THRAP3: variants seen among roughly 807,000 people sequenced by gnomAD.
The protein encoded by THRAP3 is thyroid hormone receptor associated protein 3.
In THRAP3, 16 loss-of-function variants were observed where a neutral mutation model predicts 101.0. The observed-to-expected ratio is 0.16, with a 90% CI of 0.11 to 0.24. THRAP3 has a LOEUF of 0.24. THRAP3 is among the 10% of genes least tolerant of loss of function. THRAP3 has a pLI of 1.00. For synonymous variants in THRAP3, 407 were observed against 422.6 expected, an observed-to-expected ratio of 0.96 and a Z score of 0.45; for missense variants, 989 against 1,202.7, an observed-to-expected ratio of 0.82 and a Z score of 2.63.
chr1:36,213,487 C>A, the THRAP3 span, among the ~76,000 whole-genome samples: 2 of 147,658 alleles, frequency 1.4e-5, no homozygotes, highest in African/African-American at 4.9e-5. Context: ...TGTAATATGG[C>A]AGATAAGATA....
chr1:36,282,918 G>A (rs1243873702), intron 3 of THRAP3, among the ~76,000 whole-genome samples: 2 of 152,166 alleles, frequency 1.3e-5, no homozygotes, highest in African/African-American at 2.4e-5. Flanking sequence ...TCCTCTGCCA[G>A]CACATAGTAT....
chr1:36,241,385 G>GTGTATA (rs1428746725), intron 1 of THRAP3, among the ~76,000 whole-genome samples: 3 of 8,652 alleles, frequency 3.5e-4, no homozygotes, highest in African/African-American at 4.5e-4. Flanking sequence ...GATAATGGGT[G>GTGTATA]TATATATATA....
chr1:36,231,978 A>G (rs1364169235), intron 1 of THRAP3, among the ~76,000 whole-genome samples: 2 of 152,056 alleles, frequency 1.3e-5, no homozygotes, highest in African/African-American at 4.8e-5. Flanking sequence ...GCACTTTGGG[A>G]GGCTGAGGTG....
intron 1 of THRAP3, among the ~76,000 whole-genome samples, chr1:36,231,955 G>T (rs971654466): frequency 6.6e-6 from 1 of 152,124 alleles, no homozygotes; most frequent in Admixed American, 6.6e-5. Context: ...TGTGGTTCAC[G>T]CCTGTAATCC....
At chr1:36,255,580 G>T (rs767571407) in intron 1 of THRAP3, among the ~76,000 whole-genome samples, 1 of 151,752 alleles carries the variant, frequency 6.6e-6, no homozygotes, top group African/African-American at 2.4e-5. Flanking sequence ...ACCAGCCTGG[G>T]TAACATGGTG....
At chr1:36,250,188 A>G (rs1206071123) in intron 1 of THRAP3, among the ~76,000 whole-genome samples, 1 of 152,048 alleles carries the variant, frequency 6.6e-6, no homozygotes, top group African/African-American at 2.4e-5. Context: ...TTTCCTTCCA[A>G]ATAGGCCCTT....
At chr1:36,213,943 GAAAGAAA>G in the THRAP3 span, among the ~76,000 whole-genome samples, 1 of 118,706 alleles carries the variant, frequency 8.4e-6, no homozygotes, top group Non-Finnish European at 1.7e-5. Context: ...AAGAAAGAAA[GAAAGAAA>G]GAAAGAAAGA....
chr1:36,214,455 T>C, the THRAP3 span, among the ~76,000 whole-genome samples: 5 of 152,224 alleles, frequency 3.3e-5, no homozygotes, highest in Non-Finnish European at 5.9e-5. Flanking sequence ...GACCATGCCA[T>C]TGTCTCGTCT....
At position 36,303,817 on chromosome 1, in the gene THRAP3, G is replaced by C. The variant is rs1311349460; in HGVS notation, c.2668G>C (p.Gly890Arg). The C allele has an allele frequency of 1.9e-6, 3 of 1,614,158 alleles. No homozygotes were observed. Among genetic ancestry groups the C allele is most frequent in the Non-Finnish European group, 2.5e-6 (3 of 1,180,022 alleles). ...TCAGCATGATGACCGTGAAGGCGAA[G>C]GCAGTGACAAGTGGGTGAGCCGGGG... ...YYLHDDREGE[G>R]SDKWVSRGRG... Residue 890 changes from glycine (G) to arginine (R), a missense_variant, in exon 12 of 12, where the codon GGC becomes CGC. Physicochemically the swap from Gly to Arg is moderately radical, Grantham distance 125. Transcript: ENST00000354618.
chr1:36,286,365 C>T lies in THRAP3; in HGVS notation c.138-3C>T, dbSNP rs1304622821. 3 of 1,557,202 alleles carry T rather than the reference C, an allele frequency of 1.9e-6. No individual in the cohort carries two copies. Among genetic ancestry groups the T allele is most frequent in the Non-Finnish European group, 2.6e-6 (3 of 1,154,946 alleles). On this transcript the variant is annotated splice_polypyrimidine_tract_variant and splice_region_variant and intron_variant, in intron 3 of 11. Transcript: ENST00000354618. This position sits in a 1 kb window ranked among gnomAD's most constrained non-coding sequence, Gnocchi z 5.5. The stretch of plus-strand genomic sequence containing the variant: ...ACATTTGTCTCTTTCCTTTCCATTC[C>T]AGTTCTAGGTCTCGTTCCAGATCAT...
chr1:36,274,576 A>G (rs950473264), intron 2 of THRAP3, among the ~76,000 whole-genome samples: 1 of 151,958 alleles, frequency 6.6e-6, no homozygotes, highest in East Asian at 1.9e-4. Flanking sequence ...GGTCAGTAGA[A>G]TAAAATTGAG....
At chr1:36,213,954 AGAAAGAAG>A in the THRAP3 span, among the ~76,000 whole-genome samples, 98 of 120,694 alleles carry the variant, frequency 8.1e-4, no homozygotes, top group Non-Finnish European at 1.1e-3. Flanking sequence ...AAAGAAAGAA[AGAAAGAAG>A]GAAAGAGAAA....
chr1:36,246,503 G>A (rs2124431803), intron 1 of THRAP3, among the ~76,000 whole-genome samples: 1 of 151,772 alleles, frequency 6.6e-6, no homozygotes, highest in East Asian at 2.0e-4. Flanking sequence ...AAGGTGCTGG[G>A]ATTACAGGTG....
chr1:36,295,133 G>T (rs1645928417), intron 8 of THRAP3, among the ~76,000 whole-genome samples: 1 of 149,684 alleles, frequency 6.7e-6, no homozygotes, highest in African/African-American at 2.5e-5. Context: ...TGAGGCAGGA[G>T]AATCACTTGA....
At chr1:36,241,426 T>TAC (rs1226448064) in intron 1 of THRAP3, among the ~76,000 whole-genome samples, 5 of 130,984 alleles carry the variant, frequency 3.8e-5, no homozygotes, top group African/African-American at 1.6e-4. Flanking sequence ...TATATATATA[T>TAC]ATACACATAT....
At position 36,246,638 on chromosome 1, in the gene THRAP3, C is replaced by T. The variant is rs368525431; in HGVS notation, c.-134-12744C>T. ...CAGGCAGATCACGAGGTCAGGAAAT[C>T]GAGACCATCCTGGCTAACATGGTGA... On this transcript the variant is annotated intron_variant, in intron 1 of 11. Transcript: ENST00000354618. Among the ~76,000 whole-genome samples the T allele has an allele frequency of 9.9e-5, 15 of 152,006 alleles. No individual in the cohort carries two copies. In the East Asian group the frequency reaches 2.7e-3, roughly 28 times the overall value.
In THRAP3 at chr1:36,275,604, A is replaced by AGAG. The variant is rs1645649691; in HGVS notation, c.-31-6928_-31-6927insAGG. On this transcript the variant is annotated intron_variant, in intron 2 of 11. Transcript: ENST00000354618. Reference sequence around the variant, plus strand: ...TCTGTCTCAAAAAAAAAAAAAAAAAAGTCTTCTTTTTTTTTTTTCTTTTGA... The same window carrying AGAG: ...TCTGTCTCAAAAAAAAAAAAAAAAAAGAGGTCTTCTTTTTTTTTTTTCTTTTGA... 1.5e-5 allele frequency among the ~76,000 whole-genome samples: 2 copies of AGAG among 136,652 alleles called. 1 individual carries two copies. Among genetic ancestry groups the AGAG allele is most frequent in the Non-Finnish European group, 3.2e-5 (2 of 62,242 alleles). The allele number at this position is 136,652 out of a possible 152,430, so 89.6% of individuals were successfully genotyped here.
At chr1:36,258,570 G>T (rs146392335) in intron 1 of THRAP3, among the ~76,000 whole-genome samples, 4 of 152,012 alleles carry the variant, frequency 2.6e-5, no homozygotes, top group Non-Finnish European at 5.9e-5. Context: ...CCACCTCCTG[G>T]GTTCACGCCA....
At chr1:36,215,015 A>G in the THRAP3 span, among the ~76,000 whole-genome samples, 25 of 151,754 alleles carry the variant, frequency 1.6e-4, no homozygotes, top group Admixed American at 5.9e-4. Flanking sequence ...AGGTCATGAG[A>G]TAGAGACCAT....
Sources: gnomAD v4.1 joint callset for allele counts (sites outside exome capture counted in the v4.1 genomes callset) on GRCh38, gnomAD v4.1.1 for gene constraint, Gnocchi (gnomAD v3.1) non-coding constraint, MANE v1.5 for transcripts, NCBI Gene and HGNC (gene_info 2026-07-23, HGNC 2026-07-21) for gene names.